SPRY4: variants seen among roughly 807,000 people sequenced by gnomAD.
SPRY4 encodes protein sprouty homolog 4.
In SPRY4, 7 loss-of-function variants were observed where a neutral mutation model predicts 17.0. The ratio of observed to expected loss-of-function variants is 0.41; its 90% confidence interval spans 0.23 to 0.77. SPRY4 has a LOEUF of 0.77. SPRY4 is among the 30% of genes least tolerant of loss of function. The pLI, the probability that SPRY4 is intolerant of heterozygous loss-of-function variation, is 0.32. For missense variants in SPRY4, 435 were observed against 419.9 expected, an observed-to-expected ratio of 1.04 and a Z score of -0.31; for synonymous variants, 183 against 174.1, an observed-to-expected ratio of 1.05 and a Z score of -0.40.
At position 142,314,521 on chromosome 5, in the gene SPRY4, A is replaced by G. The variant is rs749219406; in HGVS notation, c.588T>C (p.Tyr196=). 8.7e-6 allele frequency: 14 copies of G among 1,614,096 alleles called. No individual in the cohort carries two copies. In the African/African-American group the frequency reaches 1.9e-4, roughly 22 times the overall value. The stretch of plus-strand genomic sequence containing the variant: ...CCTGCACCAAACACATGCACGTGCC[A>G]TAGTTGACCAGAGTCTGGGCTGAGC... ...CLCSAQTLVN[Y]GTCMCLVQGI... is the part of the protein sequence containing the mutation. The change falls in exon 2 of 2, where the codon TAT becomes TAC. Residue 196 remains tyrosine (Y), a synonymous_variant. Coordinates refer to ENST00000434127, the MANE Select transcript of SPRY4 (RefSeq NM_001127496.3). This position sits in a 1 kb window ranked among gnomAD's most constrained non-coding sequence, Gnocchi z 4.8.
chr5:142,312,154 A>G lies in SPRY4; in HGVS notation c.*2055T>C, dbSNP rs931383239. On this transcript the variant is annotated 3_prime_UTR_variant, in exon 2 of 2. Coordinates refer to ENST00000434127, the MANE Select transcript of SPRY4 (RefSeq NM_001127496.3). ...TTTGGGGCCCCCTCATCTGAGGAAA[A>G]CCATCTCCAGTCCCTTCAGTACACT... The G allele has an allele frequency of 1.3e-5, 2 of 152,422 alleles. No homozygotes were observed. Among genetic ancestry groups the G allele is most frequent in the Admixed American group, 6.6e-5 (1 of 15,248 alleles). 9.4% of individuals were successfully genotyped at this position (152,422 alleles called of 1,614,324 possible). A position where few individuals can be genotyped will look rare whatever the true frequency, so the allele number is the denominator to read the frequency against.
At chr5:142,319,637 G>C in intron 1 of SPRY4, 3 of 1,453,198 alleles carry the variant, frequency 2.1e-6, no homozygotes, top group Non-Finnish European at 2.8e-6. Flanking sequence ...CTAGAATACT[G>C]AATCAGCAGG....
intron 1 of SPRY4, among the ~76,000 whole-genome samples, chr5:142,320,279 G>A (rs1759302628): frequency 6.6e-6 from 1 of 152,212 alleles, no homozygotes; most frequent in African/African-American, 2.4e-5. Context: ...CCCAGTGGAA[G>A]AATAAAGCAT....
intron 1 of SPRY4, chr5:142,315,896 A>T (rs1316281363): frequency 1.3e-5 from 2 of 152,202 alleles, no homozygotes; most frequent in African/African-American, 4.8e-5. Context: ...TGGTGAACTC[A>T]ACAGACAGCT....
rs1389292422 is a variant in SPRY4 at position 142,314,670 on chromosome 5, C to T, written c.439G>A (p.Ala147Thr). The change falls in exon 2 of 2, where the codon GCG becomes ACG. Residue 147 changes from alanine (A) to threonine (T), a missense_variant. Ala to Thr is a moderately conservative substitution (Grantham distance 58, BLOSUM62 0). Coordinates refer to ENST00000434127, the MANE Select transcript of SPRY4 (RefSeq NM_001127496.3). This position sits in a 1 kb window ranked among gnomAD's most constrained non-coding sequence, Gnocchi z 4.8. Reference sequence around the variant, plus strand: ...TGCTTGTCCAGCTCGGGTGGGACCGCCGGGCCCTTGAGGTCCAGCGGCTGG... The same window carrying T: ...TGCTTGTCCAGCTCGGGTGGGACCGTCGGGCCCTTGAGGTCCAGCGGCTGG... ...HCQPLDLKGPAVPPELDKHFL... is the reference protein window; with the variant it reads ...HCQPLDLKGPTVPPELDKHFL... The T allele has an allele frequency of 6.2e-7, 1 of 1,614,236 alleles. No individual in the cohort carries two copies. Among genetic ancestry groups the T allele is most frequent in the East Asian group, 2.2e-5 (1 of 44,888 alleles).
chr5:142,320,465 C>T (rs1006678250), intron 1 of SPRY4, among the ~76,000 whole-genome samples: 2 of 152,172 alleles, frequency 1.3e-5, no homozygotes, highest in African/African-American at 4.8e-5. Context: ...CTTCTCTTCT[C>T]TCTTTCACAG....
At position 142,314,593 on chromosome 5, in the gene SPRY4, G is replaced by A. The variant is rs774499780; in HGVS notation, c.516C>T (p.Ser172=). ...CGKCKCKECA[S]PRTLPSCWVC... ...CCCAGCAGGAAGGCAACGTCCGGGG[G>A]GATGCACACTCCTTGCATTTACACT... The change falls in exon 2 of 2, where the codon TCC becomes TCT. Residue 172 remains serine, a synonymous_variant. Transcript: ENST00000434127. This position sits in a 1 kb window ranked among gnomAD's most constrained non-coding sequence, Gnocchi z 4.8. 3.7e-6 allele frequency: 6 copies of A among 1,614,230 alleles called. No homozygotes were observed. The South Asian group carries it at 6.6e-5, about 18-fold the overall frequency.
In SPRY4 at chr5:142,314,159, A is replaced by C. The variant is rs377361633; in HGVS notation, c.*50T>G. On this transcript the variant is annotated 3_prime_UTR_variant, in exon 2 of 2. Transcript: ENST00000434127. The surrounding 1 kb of genome is among the most constrained non-coding windows in gnomAD (Gnocchi z 4.8). Reference sequence around the variant, plus strand: ...CCTTGCTGCAGTCTTCTTAGATGTCAGAAGAGAACCAGGTTTCCAGGCAGA... The same window carrying C: ...CCTTGCTGCAGTCTTCTTAGATGTCCGAAGAGAACCAGGTTTCCAGGCAGA... The C allele has an allele frequency of 1.5e-5, 23 of 1,549,266 alleles. No individual in the cohort carries two copies. The African/African-American group carries it at 3.1e-4, about 21-fold the overall frequency.
chr5:142,319,968 G>A (rs1478222578), intron 1 of SPRY4, among the ~76,000 whole-genome samples: 1 of 152,032 alleles, frequency 6.6e-6, no homozygotes, highest in Non-Finnish European at 1.5e-5. Flanking sequence ...ACTGGCAAGA[G>A]GCTGTGAATG....
chr5:142,314,707 C>T lies in SPRY4; in HGVS notation c.402G>A (p.Lys134=). The change falls in exon 2 of 2, where the codon AAG becomes AAA. Residue 134 remains lysine (K), a synonymous_variant. Coordinates refer to ENST00000434127, the MANE Select transcript of SPRY4 (RefSeq NM_001127496.3). The surrounding 1 kb of genome is among the most constrained non-coding windows in gnomAD (Gnocchi z 4.8). The part of the protein sequence containing the change: ...ASPRAVRIQP[K]VVHCQPLDLK... ...GGTCCAGCGGCTGGCAGTGGACCAC[C>T]TTGGGCTGGATGCGCACAGCCCTTG... The T allele has an allele frequency of 6.8e-6, 11 of 1,613,894 alleles. No individual in the cohort carries two copies. Among genetic ancestry groups the T allele is most frequent in the Non-Finnish European group, 9.3e-6 (11 of 1,179,806 alleles).
intron 1 of SPRY4, among the ~76,000 whole-genome samples, chr5:142,316,779 C>T (rs1334179850): frequency 6.6e-6 from 1 of 152,174 alleles, no homozygotes; most frequent in Non-Finnish European, 1.5e-5. Context: ...CACGGGGCTC[C>T]AGTATGTATA....
intron 1 of SPRY4, chr5:142,324,562 C>A (rs1490689669): frequency 1.3e-5 from 2 of 152,380 alleles, no homozygotes; most frequent in Admixed American, 1.3e-4. Context: ...GGGACACGCA[C>A]GGGGCTTCCC....
At position 142,324,933 on chromosome 5, in the gene SPRY4, C is replaced by G. The variant is rs1393505368; in HGVS notation, c.-137G>C. 1 of 152,706 alleles carries G rather than the reference C, an allele frequency of 6.5e-6. No individual in the cohort carries two copies. The highest frequency in any genetic ancestry group is 2.4e-5 in the African/African-American group (1 of 41,474). 9.5% of individuals were successfully genotyped at this position (152,706 alleles called of 1,614,324 possible). A position where few individuals can be genotyped will look rare whatever the true frequency, so the allele number is the denominator to read the frequency against. On this transcript the variant is annotated 5_prime_UTR_variant, in exon 1 of 2. Transcript: ENST00000434127. ...TTAGCCGCCGCTGTACTCGCAGACG[C>G]CGGTCGGAGGAACCGGCAAGGCTCC... is the stretch of plus-strand genomic sequence containing the variant.
At chr5:142,323,582 C>T (rs1421457329) in intron 1 of SPRY4, among the ~76,000 whole-genome samples, 1 of 152,170 alleles carries the variant, frequency 6.6e-6, no homozygotes, top group Non-Finnish European at 1.5e-5. Flanking sequence ...TACCATCTAG[C>T]CCCTCCAGCC....
chr5:142,314,943 G>C lies in SPRY4; in HGVS notation c.166C>G (p.Pro56Ala). Residue 56 changes from proline (P) to alanine (A), a missense_variant, in exon 2 of 2, where the codon CCT (proline) becomes GCT (alanine). Coordinates refer to ENST00000434127, the MANE Select transcript of SPRY4 (RefSeq NM_001127496.3). This position sits in a 1 kb window ranked among gnomAD's most constrained non-coding sequence, Gnocchi z 4.8. ...SHVENDYIDN[P>A]SLALTTGPKR... ...GGGCCGGTGGTCAGGGCCAGGCTAG[G>C]GTTGTCTATGTAGTCATTCTCCACA... The C allele has an allele frequency of 1.2e-6, 2 of 1,614,028 alleles. No homozygotes were observed. Among genetic ancestry groups the C allele is most frequent in the Non-Finnish European group, 1.7e-6 (2 of 1,180,000 alleles).
In SPRY4 at chr5:142,312,544, G is replaced by A. The variant is rs1204502043; in HGVS notation, c.*1665C>T. 1.3e-5 allele frequency: 2 copies of A among 152,084 alleles called. No homozygotes were observed. The highest frequency in any genetic ancestry group is 4.8e-5 in the African/African-American group (2 of 41,396). 9.4% of individuals were successfully genotyped at this position (152,084 alleles called of 1,614,324 possible). ...CTACCTCGCTGCCTCCTTCCCGGAG[G>A]CACCTCTGTTCCTATACAGAACAAA... On this transcript the variant is annotated 3_prime_UTR_variant, in exon 2 of 2. Coordinates refer to ENST00000434127, the MANE Select transcript of SPRY4 (RefSeq NM_001127496.3).
At chr5:142,318,877 G>T (rs114512677) in intron 1 of SPRY4, among the ~76,000 whole-genome samples, 3,394 of 152,234 alleles carry the variant, frequency 0.022, 63 homozygotes, top group Non-Finnish European at 0.038. Context: ...TTATGGAAGC[G>T]GCTAATATTT....
rs1009165613 is a variant in SPRY4 at position 142,311,512 on chromosome 5, G to C, written c.*2697C>G. The C allele has an allele frequency of 6.6e-6, 1 of 152,234 alleles. No homozygotes were observed. Among genetic ancestry groups the C allele is most frequent in the Non-Finnish European group, 1.5e-5 (1 of 68,074 alleles). The allele number at this position is 152,234 out of a possible 1,614,324, so 9.4% of individuals were successfully genotyped here. A position where few individuals can be genotyped will look rare whatever the true frequency, so the allele number is the denominator to read the frequency against. Reference sequence around the variant, plus strand: ...AGTGCTGGGTCCCTCAGTGGCTCTCGACTGGCCCCAGAGCCGGGGAGGGTC... The same window carrying C: ...AGTGCTGGGTCCCTCAGTGGCTCTCCACTGGCCCCAGAGCCGGGGAGGGTC... On this transcript the variant is annotated 3_prime_UTR_variant, in exon 2 of 2. Coordinates refer to ENST00000434127, the MANE Select transcript of SPRY4 (RefSeq NM_001127496.3).
At chr5:142,324,527 G>C (rs1418051627) in intron 1 of SPRY4, 1 of 152,432 alleles carries the variant, frequency 6.6e-6, no homozygotes, top group African/African-American at 2.4e-5. Flanking sequence ...GAGAAGGAAA[G>C]AGGCCAGGCC....
Sources: gnomAD v4.1 joint callset for allele counts (sites outside exome capture counted in the v4.1 genomes callset) on GRCh38, gnomAD v4.1.1 for gene constraint, Gnocchi (gnomAD v3.1) non-coding constraint, MANE v1.5 for transcripts, NCBI Gene and HGNC (gene_info 2026-07-23, HGNC 2026-07-21) for gene names.